SLC66A1: variants seen among roughly 807,000 people sequenced by gnomAD.
SLC66A1 encodes the protein lysosomal amino acid transporter 1 homolog.
A neutral mutation model predicts 33.0 loss-of-function variants in SLC66A1; 23 were observed. That is an observed-to-expected ratio of 0.70 (90% confidence interval 0.50 to 0.99). The LOEUF (loss-of-function observed/expected upper bound fraction) is 0.99. Ranked by LOEUF, SLC66A1 falls within the 50% of genes least tolerant of loss-of-function variation. The pLI is 0.00. For synonymous variants in SLC66A1, 164 were observed against 175.5 expected (o/e 0.93, Z 0.52); for missense variants, 335 against 383.6 (o/e 0.87, Z 1.06).
At chr1:19,327,531 C>CCCTCCCTCCCTT (rs2093875067) in intron 7 of SLC66A1, 119 bp downstream of exon 7, 1 of 859,908 alleles carries the variant, frequency 1.2e-6, no homozygotes, top group Non-Finnish European at 1.8e-6. Context: ...ATCCATCCAT[C>CCCTCCCTCCCTT]CCTCCCTCCC....
chr1:19,322,566 A>T (rs1412926133), intron 2 of SLC66A1, among the ~76,000 whole-genome samples: 3 of 152,104 alleles, frequency 2.0e-5, no homozygotes, highest in African/African-American at 7.2e-5. Context: ...AACTTGAGGG[A>T]ATCTGGGAGG....
chr1:19,328,209 G>A lies in SLC66A1; in HGVS notation c.805-363G>A. 1 of 414,602 alleles carries A rather than the reference G, an allele frequency of 2.4e-6. No homozygotes were observed. Among genetic ancestry groups the A allele is most frequent in the Non-Finnish European group, 4.4e-6 (1 of 225,526 alleles). 25.7% of individuals were successfully genotyped at this position (414,602 alleles called of 1,614,324 possible). ...GTTAAGTCCCTGCCGGGCGCAGGGA[G>A]GGGTGAAAGTTTAGGCTCTTGTGCC... On this transcript the variant is annotated intron_variant, in intron 7 of 7. Transcript: ENST00000375153. The surrounding 1 kb of genome is among the most constrained non-coding windows in gnomAD (Gnocchi z 4.7).
rs1387375071 is a variant in SLC66A1, at chr1:19,328,922, A to G, written c.*279A>G. ...CCTACTCACCCCAGGGGCCACAGCC[A>G]CAGCCTGCTGGACTCAGGACTGTCC... On this transcript the variant is annotated 3_prime_UTR_variant, in exon 8 of 8. Coordinates refer to ENST00000375153, the MANE Select transcript of SLC66A1 (RefSeq NM_001040125.2). The surrounding 1 kb of genome is among the most constrained non-coding windows in gnomAD (Gnocchi z 4.7). 3 of 547,364 alleles carry G rather than the reference A, an allele frequency of 5.5e-6. No individual in the cohort carries two copies. The highest frequency in any genetic ancestry group is 9.9e-6 in the Non-Finnish European group (3 of 303,988). 33.9% of individuals were successfully genotyped at this position (547,364 alleles called of 1,614,324 possible).
downstream of SLC66A1, among the ~76,000 whole-genome samples, chr1:19,332,473 A>C (rs2093895240): frequency 6.6e-6 from 1 of 152,154 alleles, no homozygotes; most frequent in Non-Finnish European, 1.5e-5. Context: ...GGTTCCTCAC[A>C]AAGAGAAGGG....
At chr1:19,333,119 A>G (rs2093897035), downstream of SLC66A1, among the ~76,000 whole-genome samples, 2 of 152,194 alleles carry the variant, frequency 1.3e-5, no homozygotes, top group Non-Finnish European at 2.9e-5. This position sits in a 1 kb window ranked among gnomAD's most constrained non-coding sequence, Gnocchi z 4.2. Flanking sequence ...GCAAAGCAGA[A>G]GGGATGGTCC....
chr1:19,312,709 A>G lies in SLC66A1; in HGVS notation c.-259A>G, dbSNP rs534120214. On this transcript the variant is annotated 5_prime_UTR_variant, in exon 1 of 8. Coordinates refer to ENST00000375153, the MANE Select transcript of SLC66A1 (RefSeq NM_001040125.2). ...CGGCGCTGGCCCCAGCAGCTGTCCT[A>G]TCATTATCCCTCCAAACAGGCGGCC... 22 of 152,868 alleles carry G rather than the reference A, an allele frequency of 1.4e-4. No individual in the cohort carries two copies. The highest frequency in any genetic ancestry group is 5.3e-4 in the African/African-American group (22 of 41,580). 9.5% of individuals were successfully genotyped at this position (152,868 alleles called of 1,614,324 possible).
At chr1:19,332,943 C>T (rs1043337580), downstream of SLC66A1, among the ~76,000 whole-genome samples, 5 of 152,218 alleles carry the variant, frequency 3.3e-5, no homozygotes, top group Non-Finnish European at 7.3e-5. Context: ...CCCCAGAGGT[C>T]CCCGCCTTGG....
intron 2 of SLC66A1, among the ~76,000 whole-genome samples, chr1:19,322,342 G>T (rs2093842114): frequency 3.3e-5 from 5 of 152,244 alleles, no homozygotes; most frequent in African/African-American, 9.6e-5. Flanking sequence ...TGGAGGCCTG[G>T]GAGAGAGCCC....
At chr1:19,333,273 T>C (rs1477693294), downstream of SLC66A1, among the ~76,000 whole-genome samples, 2 of 152,112 alleles carry the variant, frequency 1.3e-5, no homozygotes, top group East Asian at 3.9e-4. This position sits in a 1 kb window ranked among gnomAD's most constrained non-coding sequence, Gnocchi z 4.2. Flanking sequence ...AGTGGTACGA[T>C]CTTGGCTTAC....
downstream of SLC66A1, among the ~76,000 whole-genome samples, chr1:19,329,665 G>T (rs528939564): frequency 9.2e-5 from 14 of 152,348 alleles, no homozygotes; most frequent in Admixed American, 9.1e-4. Context: ...CATTTCCTGT[G>T]TCCTTTCAAG....
At position 19,317,650 on chromosome 1, in the gene SLC66A1, C is replaced by T; in HGVS notation, c.-28C>T. On this transcript the variant is annotated 5_prime_UTR_variant, in exon 2 of 8. Coordinates refer to ENST00000375153, the MANE Select transcript of SLC66A1 (RefSeq NM_001040125.2). ...GCGCCCTCCCTCCGGTGCAGCCCTG[C>T]CTGGCCGGGGGCCCCTCCTCCACAG... is the stretch of plus-strand genomic sequence containing the variant. 3 of 1,611,610 alleles carry T rather than the reference C, an allele frequency of 1.9e-6. No homozygotes were observed. The highest frequency in any genetic ancestry group is 2.2e-5 in the East Asian group (1 of 44,866).
At chr1:19,316,102 G>C (rs921908685) in intron 1 of SLC66A1, among the ~76,000 whole-genome samples, 5 of 152,164 alleles carry the variant, frequency 3.3e-5, no homozygotes, top group African/African-American at 1.2e-4. Flanking sequence ...CACTGTCCAG[G>C]GTGCCCGGGT....
At chr1:19,314,136 C>G (rs1433268544) in intron 1 of SLC66A1, among the ~76,000 whole-genome samples, 1 of 152,214 alleles carries the variant, frequency 6.6e-6, no homozygotes, top group Non-Finnish European at 1.5e-5. Flanking sequence ...CCATGCCTGG[C>G]TTCTAGGTGA....
intron 1 of SLC66A1, among the ~76,000 whole-genome samples, chr1:19,313,518 G>T (rs576180732): frequency 1.3e-5 from 2 of 152,302 alleles, no homozygotes; most frequent in African/African-American, 4.8e-5. Context: ...TCAGGTGTGT[G>T]GACAAGGGGA....
intron 7 of SLC66A1, 170 bp downstream of exon 7, chr1:19,327,582 T>C (rs1434263253): frequency 2.4e-6 from 2 of 825,994 alleles, no homozygotes; most frequent in African/African-American, 4.0e-5. Flanking sequence ...CGTGCACACC[T>C]CCTGTGTGCC....
intron 1 of SLC66A1, among the ~76,000 whole-genome samples, chr1:19,315,753 G>A (rs918374596): frequency 1.3e-5 from 2 of 152,002 alleles, no homozygotes; most frequent in Admixed American, 6.6e-5. Flanking sequence ...TCTCTCTCTC[G>A]AGCCACAGAA....
chr1:19,328,768 G>T lies in SLC66A1; in HGVS notation c.*125G>T. 1 of 1,036,860 alleles carries T rather than the reference G, an allele frequency of 9.6e-7. No individual in the cohort carries two copies. Among genetic ancestry groups the T allele is most frequent in the South Asian group, 1.5e-5 (1 of 67,232 alleles). The allele number at this position is 1,036,860 out of a possible 1,614,324, so 64.2% of individuals were successfully genotyped here. On this transcript the variant is annotated 3_prime_UTR_variant, in exon 8 of 8. Coordinates refer to ENST00000375153, the MANE Select transcript of SLC66A1 (RefSeq NM_001040125.2). This position sits in a 1 kb window ranked among gnomAD's most constrained non-coding sequence, Gnocchi z 4.7. The stretch of plus-strand genomic sequence containing the variant: ...GCGGGTGGCCTCTGGATCCTCCGTG[G>T]ACCGAACCGTCCCCCCAGGAACACA...
downstream of SLC66A1, among the ~76,000 whole-genome samples, chr1:19,329,623 G>A (rs1016424781): frequency 3.3e-5 from 5 of 152,212 alleles, no homozygotes; most frequent in African/African-American, 9.7e-5. Context: ...TCAGTGCCTA[G>A]CTTATCTCAT....
intron 1 of SLC66A1, among the ~76,000 whole-genome samples, chr1:19,314,432 C>T (rs1257354118): frequency 6.6e-6 from 1 of 152,184 alleles, no homozygotes; most frequent in Non-Finnish European, 1.5e-5. Flanking sequence ...TCGAGACAAC[C>T]CCCCAACACA....
Sources: allele counts gnomAD v4.1 joint callset (sites outside exome capture counted in the v4.1 genomes callset), GRCh38; gene constraint gnomAD v4.1.1; non-coding constraint Gnocchi (gnomAD v3.1); transcripts MANE v1.5; gene names NCBI Gene and HGNC (gene_info 2026-07-23, HGNC 2026-07-21).